DAPK2: variants seen among roughly 807,000 people sequenced by gnomAD.
DAPK2 encodes death-associated protein kinase 2.
DAPK2 carries 35 observed loss-of-function variants against 44.1 expected under a neutral mutation model. That is an observed-to-expected ratio of 0.79 (90% CI 0.61 to 1.05). The LOEUF is 1.05. DAPK2 is among the 50% of genes least tolerant of loss of function. The pLI is 0.00. For missense variants in DAPK2, 453 were observed against 483.2 expected (o/e 0.94, Z 0.59); for synonymous variants, 174 against 182.6 (o/e 0.95, Z 0.38).
chr15:63,908,567 C>T lies in DAPK2; in HGVS notation c.1066G>A (p.Ala356Thr), dbSNP rs140635820. 759 of 1,601,724 alleles carry T rather than the reference C, an allele frequency of 4.7e-4. No individual in the cohort carries two copies. The highest frequency in any genetic ancestry group is 6.0e-4 in the Non-Finnish European group (705 of 1,175,364). Reference sequence around the variant, plus strand: ...CGTGGGTGGAGGGCTTTCCTCCTGGCGATGTCCTCCTCAGTGTCACTCTCA... The same window carrying T: ...CGTGGGTGGAGGGCTTTCCTCCTGGTGATGTCCTCCTCAGTGTCACTCTCA... Residue 356 changes from alanine to threonine, a missense_variant, in exon 11 of 11, where the codon GCC becomes ACC. Ala to Thr is a moderately conservative substitution (Grantham distance 58). Coordinates refer to ENST00000261891, the Ensembl canonical transcript of DAPK2. The surrounding 1 kb of genome is among the most constrained non-coding windows in gnomAD (Gnocchi z 5.7).
At chr15:64,036,983 T>C (rs62021546) in intron 1 of DAPK2, among the ~76,000 whole-genome samples, 30,209 of 152,220 alleles carry the variant, frequency 0.2, 3,089 homozygotes, top group South Asian at 0.25. Flanking sequence ...GAGGGATTCC[T>C]GACTCAGCAT....
chr15:63,965,551 T>A (rs894624471), intron 3 of DAPK2, among the ~76,000 whole-genome samples: 5 of 151,968 alleles, frequency 3.3e-5, no homozygotes, highest in Non-Finnish European at 7.4e-5. Flanking sequence ...GTGGTGAGCT[T>A]CCCCCCCTTG....
At chr15:63,930,416 G>A in exon 5 of DAPK2, 1 of 1,614,206 alleles carries the variant, frequency 6.2e-7, no homozygotes, top group African/African-American at 1.3e-5. Flanking sequence ...CCACATGTCA[G>A]CCTCCAGACC....
chr15:64,031,537 A>G (rs911877537), intron 1 of DAPK2, among the ~76,000 whole-genome samples: 6 of 152,196 alleles, frequency 3.9e-5, no homozygotes. Context: ...CTGCCCCAAC[A>G]GTAGATTCTT....
intron 1 of DAPK2, among the ~76,000 whole-genome samples, chr15:64,032,151 C>A (rs541005696): frequency 1.3e-5 from 2 of 152,124 alleles, no homozygotes; most frequent in African/African-American, 4.8e-5. Context: ...AGCCTGGAAA[C>A]CTTCAGTCCA....
intron 3 of DAPK2, among the ~76,000 whole-genome samples, chr15:63,945,397 T>G (rs766893798): frequency 5.3e-5 from 8 of 152,154 alleles, no homozygotes; most frequent in Non-Finnish European, 1.2e-4. Flanking sequence ...AGGAAATGAA[T>G]TGAAAGAATC....
chr15:63,939,473 G>C lies in DAPK2; in HGVS notation c.454-112C>G. The C allele has an allele frequency of 9.6e-7, 1 of 1,046,018 alleles. No homozygotes were observed. Among genetic ancestry groups the C allele is most frequent in the Non-Finnish European group, 1.4e-6 (1 of 734,962 alleles). 64.8% of individuals were successfully genotyped at this position (1,046,018 alleles called of 1,614,324 possible). A position where few individuals can be genotyped will look rare whatever the true frequency, so the allele number is the denominator to read the frequency against. The stretch of plus-strand genomic sequence containing the variant: ...GGCTTTGGGGTTTGGGGTGGGACTT[G>C]GTGTTCTTTTTAGGAGACTGAAACA... On this transcript the variant is annotated intron_variant, in intron 3 of 10. Transcript: ENST00000261891. The surrounding 1 kb of genome is among the most constrained non-coding windows in gnomAD (Gnocchi z 4.3).
chr15:63,972,820 A>T (rs528099969), intron 2 of DAPK2, among the ~76,000 whole-genome samples: 2 of 152,228 alleles, frequency 1.3e-5, no homozygotes, highest in African/African-American at 2.4e-5. Flanking sequence ...ATTGGAAAAC[A>T]TAAGAAAACC....
At chr15:63,967,271 T>C (rs1188278233) in intron 3 of DAPK2, among the ~76,000 whole-genome samples, 2 of 152,224 alleles carry the variant, frequency 1.3e-5, no homozygotes, top group Non-Finnish European at 2.9e-5. Flanking sequence ...AAAGGTGCTT[T>C]TTTTGTGTAT....
At chr15:63,950,684 G>A (rs1431017034) in intron 3 of DAPK2, among the ~76,000 whole-genome samples, 1 of 152,156 alleles carries the variant, frequency 6.6e-6, no homozygotes, top group Non-Finnish European at 1.5e-5. Flanking sequence ...AAAACTTGGT[G>A]ACCTCCAGCT....
chr15:63,907,225 T>A (rs2078684935), exon 11 of DAPK2: 1 of 152,098 alleles, frequency 6.6e-6, no homozygotes, highest in African/African-American at 2.4e-5. Context: ...ACACCAATTA[T>A]ATTGCATCGG....
chr15:64,024,958 G>A (rs2079797255), intron 1 of DAPK2, among the ~76,000 whole-genome samples: 1 of 152,164 alleles, frequency 6.6e-6, no homozygotes, highest in Non-Finnish European at 1.5e-5. Flanking sequence ...CAGCAAGGAG[G>A]TGGAGGTGAG....
intron 1 of DAPK2, 130 bp downstream of exon 2, chr15:64,040,040 C>A: frequency 1.4e-6 from 1 of 694,456 alleles, no homozygotes; most frequent in South Asian, 1.7e-5. Context: ...GGTGAATAAT[C>A]CTCAGGCTCA....
At chr15:63,975,557 C>T (rs904827599) in intron 2 of DAPK2, among the ~76,000 whole-genome samples, 11 of 151,892 alleles carry the variant, frequency 7.2e-5, no homozygotes, top group African/African-American at 2.7e-4. Flanking sequence ...CAGAACAGCT[C>T]TCAACCACTA....
At chr15:63,991,222 GT>G in intron 1 of DAPK2, 1 of 456,296 alleles carries the variant, frequency 2.2e-6, no homozygotes, top group Non-Finnish European at 4.4e-6. Flanking sequence ...AGGAGGAAAA[GT>G]TTACCAAAGC....
intron 4 of DAPK2, among the ~76,000 whole-genome samples, chr15:63,932,164 TTAAAAAA>T (rs2076976848): frequency 9.3e-6 from 1 of 107,536 alleles, no homozygotes; most frequent in Non-Finnish European, 1.8e-5. Context: ...GAGACCCTGT[TTAAAAAA>T]AAAAAAAAAA....
At chr15:63,957,407 G>A (rs998214554) in intron 3 of DAPK2, among the ~76,000 whole-genome samples, 8 of 151,822 alleles carry the variant, frequency 5.3e-5, no homozygotes, top group South Asian at 2.1e-4. Flanking sequence ...GGCACAACGC[G>A]CAGGTTTGTT....
At chr15:63,945,807 C>T (rs1394006657) in intron 3 of DAPK2, among the ~76,000 whole-genome samples, 1 of 152,192 alleles carries the variant, frequency 6.6e-6, no homozygotes, top group Non-Finnish European at 1.5e-5. Flanking sequence ...GGCACAACCT[C>T]CCAAGCTGGC....
At chr15:64,017,115 A>G (rs1419548758) in intron 1 of DAPK2, among the ~76,000 whole-genome samples, 3 of 152,270 alleles carry the variant, frequency 2.0e-5, no homozygotes, top group Non-Finnish European at 4.4e-5. Context: ...CTAGGGACCT[A>G]CTGTGTTCCC....
Sources: allele counts gnomAD v4.1 joint callset (sites outside exome capture counted in the v4.1 genomes callset), GRCh38; gene constraint gnomAD v4.1.1; non-coding constraint Gnocchi (gnomAD v3.1); transcripts MANE v1.5; gene names NCBI Gene and HGNC (gene_info 2026-07-23, HGNC 2026-07-21).